CDC42SE2: variants seen among roughly 807,000 people sequenced by gnomAD.
CDC42SE2 encodes the protein CDC42 small effector protein 2.
In CDC42SE2, 3 loss-of-function variants were observed where a neutral mutation model predicts 11.5. The ratio of observed to expected loss-of-function variants is 0.26; its 90% confidence interval spans 0.12 to 0.67. CDC42SE2 has a LOEUF of 0.67. Ranked by LOEUF, CDC42SE2 falls within the 30% of genes least tolerant of loss-of-function variation. The pLI, the probability that CDC42SE2 is intolerant of heterozygous loss-of-function variation, is 0.80. For missense variants in CDC42SE2, 82 were observed against 106.8 expected (o/e 0.77, Z 1.02); for synonymous variants, 33 against 34.8 (o/e 0.95, Z 0.18).
intron 1 of CDC42SE2, among the ~76,000 whole-genome samples, chr5:131,267,773 G>C (rs1756901122): frequency 6.6e-6 from 1 of 151,966 alleles, no homozygotes; most frequent in South Asian, 2.1e-4. Flanking sequence ...AGTCCCAGTT[G>C]TCTTTTTTAA....
chr5:131,292,723 C>T (rs1757484461), intron 1 of CDC42SE2, among the ~76,000 whole-genome samples: 2 of 150,772 alleles, frequency 1.3e-5, no homozygotes, highest in Non-Finnish European at 3.0e-5. Flanking sequence ...GGCAAAACCC[C>T]ATCTCTACCA....
the CDC42SE2 span, among the ~76,000 whole-genome samples, chr5:131,228,959 T>C: frequency 6.6e-6 from 1 of 152,224 alleles, no homozygotes; most frequent in Non-Finnish European, 1.5e-5. Flanking sequence ...TAATTTCTGC[T>C]GTTTAAGCCA....
intron 1 of CDC42SE2, among the ~76,000 whole-genome samples, chr5:131,293,847 G>A (rs1757514123): frequency 6.6e-6 from 1 of 152,166 alleles, no homozygotes; most frequent in Non-Finnish European, 1.5e-5. Flanking sequence ...TGGTGTGCCA[G>A]GTCCTGACTG....
In CDC42SE2 at chr5:131,360,461, C is replaced by T. The variant is rs528822355; in HGVS notation, c.54+914C>T. 4.9e-4 allele frequency among the ~76,000 whole-genome samples: 74 copies of T among 152,242 alleles called. 1 individual carries two copies. The South Asian group carries it at 0.015, about 32-fold the overall frequency. On this transcript the variant is annotated intron_variant, in intron 3 of 4. Transcript: ENST00000505065. ...AGGTGCCTAAATAAAATGTTACTTA[C>T]ATAAAAATTGCCCCAGCTTTCCCCT...
At chr5:131,213,046 C>T in the CDC42SE2 span, among the ~76,000 whole-genome samples, 2 of 152,044 alleles carry the variant, frequency 1.3e-5, no homozygotes, top group Non-Finnish European at 2.9e-5. Flanking sequence ...CAAAATTAGC[C>T]AGGCATGGTG....
chr5:131,258,466 G>C lies in CDC42SE2; in HGVS notation n.242+3237G>C, dbSNP rs151294411. Among the ~76,000 whole-genome samples the C allele has an allele frequency of 2.1e-3, 320 of 152,052 alleles. 1 individual carries two copies. The highest frequency in any genetic ancestry group is 7.5e-3 in the African/African-American group (310 of 41,450). ...TTGACATAGCAGAGTGACCCCAAAG[G>C]CTCCCTTCCTCTTATCTTGTTGTCC... On this transcript the variant is annotated intron_variant and non_coding_transcript_variant, in intron 2 of 3. Coordinates refer to the CDC42SE2 transcript ENST00000502840.
At chr5:131,314,980 C>G (rs1471331558) in intron 1 of CDC42SE2, among the ~76,000 whole-genome samples, 1 of 152,124 alleles carries the variant, frequency 6.6e-6, no homozygotes, top group East Asian at 1.9e-4. Flanking sequence ...TTCTAAGAAT[C>G]TGTTCAAGTT....
At chr5:131,382,565 G>A (rs901241829) in intron 3 of CDC42SE2, among the ~76,000 whole-genome samples, 1 of 152,190 alleles carries the variant, frequency 6.6e-6, no homozygotes, top group Non-Finnish European at 1.5e-5. Context: ...ACTCCTCCTA[G>A]TGGTCTGGAA....
chr5:131,282,733 A>G (rs916291458), intron 1 of CDC42SE2, among the ~76,000 whole-genome samples: 10 of 151,846 alleles, frequency 6.6e-5, no homozygotes, highest in Non-Finnish European at 1.2e-4. Context: ...GGTTCATGCC[A>G]TTCTCCTGCC....
upstream of CDC42SE2, among the ~76,000 whole-genome samples, chr5:131,260,903 C>T (rs1244658644): frequency 6.6e-6 from 1 of 152,212 alleles, no homozygotes; most frequent in Admixed American, 6.5e-5. Flanking sequence ...TATTGCACTC[C>T]AGCCTGGAAA....
chr5:131,302,037 T>C (rs954660181), intron 1 of CDC42SE2, among the ~76,000 whole-genome samples: 2 of 152,114 alleles, frequency 1.3e-5, no homozygotes, highest in Non-Finnish European at 2.9e-5. Context: ...GACAGGGTCT[T>C]ACTCTCTTGC....
intron 1 of CDC42SE2, among the ~76,000 whole-genome samples, chr5:131,314,233 C>CTT (rs1186826623): frequency 1.6e-4 from 22 of 137,124 alleles, no homozygotes; most frequent in African/African-American, 3.2e-4. Context: ...AATGATTGTC[C>CTT]TTTTTTTTTT....
intron 2 of CDC42SE2, among the ~76,000 whole-genome samples, chr5:131,319,664 G>A (rs1459790230): frequency 1.3e-5 from 2 of 151,990 alleles, no homozygotes; most frequent in East Asian, 1.9e-4. Flanking sequence ...GTAACATCCC[G>A]ATAAAATTTT....
the CDC42SE2 span, among the ~76,000 whole-genome samples, chr5:131,236,293 C>T: frequency 3.3e-5 from 5 of 151,970 alleles, no homozygotes; most frequent in African/African-American, 9.7e-5. Flanking sequence ...CATCACTTCA[C>T]GATTTTTAAT....
At chr5:131,311,584 C>G (rs1757915148) in intron 1 of CDC42SE2, among the ~76,000 whole-genome samples, 1 of 152,164 alleles carries the variant, frequency 6.6e-6, no homozygotes, top group South Asian at 2.1e-4. Flanking sequence ...GTATACCAAT[C>G]AGACGTAGAT....
chr5:131,286,294 G>T (rs977747456), intron 1 of CDC42SE2, among the ~76,000 whole-genome samples: 6 of 151,098 alleles, frequency 4.0e-5, no homozygotes, highest in Non-Finnish European at 7.4e-5. Context: ...GTATTGCCCA[G>T]TCTGGTCTTG....
chr5:131,335,530 T>C lies in CDC42SE2; in HGVS notation c.-286+19386T>C, dbSNP rs147228966. On this transcript the variant is annotated intron_variant, in intron 2 of 4. Transcript: ENST00000505065. ...CAATTCCTGGATATCCTTGTTAACT[T>C]TCTGTCTCATTGATCTGTCTAATGT... 5.9e-3 allele frequency among the ~76,000 whole-genome samples: 906 copies of C among 152,316 alleles called. 10 individuals carry two copies. The highest frequency in any genetic ancestry group is 0.021 in the African/African-American group (878 of 41,568).
chr5:131,291,752 C>G (rs1011870603), intron 1 of CDC42SE2, among the ~76,000 whole-genome samples: 1 of 152,054 alleles, frequency 6.6e-6, no homozygotes, highest in Non-Finnish European at 1.5e-5. Flanking sequence ...ATACAAATAA[C>G]CCTTCAAAAA....
upstream of CDC42SE2, among the ~76,000 whole-genome samples, chr5:131,241,135 C>T (rs1422920497): frequency 2.6e-5 from 4 of 152,128 alleles, no homozygotes; most frequent in Admixed American, 6.5e-5. Flanking sequence ...TCCACCACCA[C>T]GCCCAGCTAG....
Sources: gnomAD v4.1 joint callset for allele counts (sites outside exome capture counted in the v4.1 genomes callset) on GRCh38, gnomAD v4.1.1 for gene constraint, MANE v1.5 for transcripts, NCBI Gene and HGNC (gene_info 2026-07-23, HGNC 2026-07-21) for gene names.